TAC3: variants seen among roughly 807,000 people sequenced by gnomAD.
TAC3 encodes the protein tachykinin precursor 3.
A neutral mutation model predicts 16.5 loss-of-function variants in TAC3; 9 were observed. That is an observed-to-expected ratio of 0.55 (90% CI 0.33 to 0.95). The LOEUF (loss-of-function observed/expected upper bound fraction) is 0.95. Among genes scored for constraint, TAC3 ranks in the 40% least tolerant of loss-of-function variants. The pLI is 0.03. For synonymous variants in TAC3, 52 were observed against 56.7 expected, an observed-to-expected ratio of 0.92 and a Z score of 0.37; for missense variants, 129 against 149.1, an observed-to-expected ratio of 0.87 and a Z score of 0.70.
intron 6 of TAC3, among the ~76,000 whole-genome samples, chr12:57,011,641 C>T (rs1318300701): frequency 6.6e-6 from 1 of 152,208 alleles, no homozygotes; most frequent in East Asian, 1.9e-4. Flanking sequence ...CAGCACTGTG[C>T]ACCCGGCACT....
intron 2 of TAC3, 54 bp downstream of exon 2, chr12:57,015,630 G>C (rs1956360881): frequency 6.5e-7 from 1 of 1,526,984 alleles, no homozygotes; most frequent in Non-Finnish European, 9.0e-7. Flanking sequence ...TGTCCAGACA[G>C]GCAGAGTCCC....
intron 1 of TAC3, among the ~76,000 whole-genome samples, chr12:57,016,057 A>G (rs1000653494): frequency 6.6e-6 from 1 of 152,208 alleles, no homozygotes; most frequent in Non-Finnish European, 1.5e-5. Flanking sequence ...TAGTGGTGCC[A>G]GGAGGACTCT....
rs1193544273 is a variant in TAC3, at chr12:57,012,550, A to C, written c.293-98T>G. On this transcript the variant is annotated intron_variant, in intron 5 of 6. Coordinates refer to ENST00000458521, the MANE Select transcript of TAC3 (RefSeq NM_013251.4). ...GGGCTGGCTATGACGGGCAGTGTTC[A>C]AAGACAGAGTTGGGAGACTGGGGTG... 3 of 1,604,848 alleles carry C rather than the reference A, an allele frequency of 1.9e-6. No homozygotes were observed. In the East Asian group the frequency reaches 6.7e-5, roughly 36 times the overall value.
At position 57,012,142 on chromosome 12, in the gene TAC3, A is replaced by G. The variant is rs938010754; in HGVS notation, c.*1+236T>C. 26 of 554,166 alleles carry G rather than the reference A, an allele frequency of 4.7e-5. No homozygotes were observed. In the African/African-American group the frequency reaches 4.7e-4, roughly 10 times the overall value. The allele number at this position is 554,166 out of a possible 1,614,324, so 34.3% of individuals were successfully genotyped here. ...CATCTCCCAACACTCACTCCTGCTC[A>G]ATAGTCAGCTGCCGTCCATGATCCA... On this transcript the variant is annotated intron_variant, in intron 6 of 6. Coordinates refer to ENST00000458521, the MANE Select transcript of TAC3 (RefSeq NM_013251.4).
At chr12:57,015,875 G>T (rs1270814277) in intron 1 of TAC3, 73 bp from the exon 2 acceptor site, 1 of 1,312,124 alleles carries the variant, frequency 7.6e-7, no homozygotes, top group Non-Finnish European at 1.1e-6. Flanking sequence ...AGACACAAGA[G>T]ACATTCATTA....
At chr12:57,015,862 T>A in intron 1 of TAC3, 60 bp from the exon 2 acceptor site, 1 of 1,429,598 alleles carries the variant, frequency 7.0e-7, no homozygotes, top group Non-Finnish European at 9.8e-7. Flanking sequence ...ACAGCATGGG[T>A]GAAGACACAA....
chr12:57,015,267 A>G (rs1291405607), intron 2 of TAC3, among the ~76,000 whole-genome samples: 1 of 152,186 alleles, frequency 6.6e-6, no homozygotes, highest in Admixed American at 6.5e-5. Flanking sequence ...GTAAAATAGC[A>G]CACAAATAAC....
At chr12:57,012,320 G>T in intron 6 of TAC3, 58 bp downstream of exon 6, 1 of 1,481,990 alleles carries the variant, frequency 6.7e-7, no homozygotes, top group Non-Finnish European at 9.3e-7. Context: ...TGCACAGCTG[G>T]CAACCCCCAC....
chr12:57,012,764 T>G, intron 5 of TAC3, 58 bp downstream of exon 5: 1 of 1,614,010 alleles, frequency 6.2e-7, no homozygotes, highest in Non-Finnish European at 8.5e-7. Context: ...GGCACGTGAC[T>G]TCTGTCATAC....
intron 1 of TAC3, among the ~76,000 whole-genome samples, 191 bp downstream of exon 1, chr12:57,016,196 T>A (rs560916104): frequency 1.3e-5 from 2 of 152,208 alleles, no homozygotes; most frequent in Middle Eastern, 3.4e-3. Context: ...AACTTTCTGG[T>A]ATGAAAGAAT....
chr12:57,013,309 A>G (rs747565701), intron 4 of TAC3, 50 bp downstream of exon 4: 1 of 1,606,200 alleles, frequency 6.2e-7, no homozygotes, highest in East Asian at 2.2e-5. Context: ...AATGCCCCAC[A>G]GAGCTCTGGG....
chr12:57,013,750 C>T (rs1956336445), intron 2 of TAC3, 79 bp from the exon 3 acceptor site: 8 of 1,169,360 alleles, frequency 6.8e-6, no homozygotes, highest in Non-Finnish European at 8.8e-6. Context: ...GAAACAGCCT[C>T]TTCCTGAGCC....
chr12:57,013,222 A>C (rs1956325907), intron 4 of TAC3, 137 bp downstream of exon 4: 1 of 1,141,198 alleles, frequency 8.8e-7, no homozygotes, highest in African/African-American at 1.5e-5. Flanking sequence ...CTTTCAGGAA[A>C]GGTTGGCTGA....
Position 57,013,596 on chromosome 12 carries a change from G to C in TAC3, c.190C>G (p.Leu64Val). The change falls in exon 3 of 7, where the codon CTG becomes GTG. Residue 64 changes from leucine (L) to valine (V), a missense_variant. Transcript: ENST00000458521. ...CTCCTACCTGTGCTAGCCTGGCTCA[G>C]GGCTTTGAGCAATCCCTCCAGAGAT... ...HSSLEGLLKA[L>V]SQASTDPKES... The C allele has an allele frequency of 6.2e-7, 1 of 1,613,546 alleles. No homozygotes were observed. The highest frequency in any genetic ancestry group is 8.5e-7 in the Non-Finnish European group (1 of 1,179,924).
chr12:57,013,301 T>A, intron 4 of TAC3, 58 bp downstream of exon 4: 1 of 1,596,076 alleles, frequency 6.3e-7, no homozygotes, highest in Middle Eastern at 1.7e-4. Flanking sequence ...CTGGGCCCAA[T>A]GCCCCACAGA....
rs17119330 is a variant in TAC3 at position 57,015,455 on chromosome 12, G to A, written c.114+229C>T. 0.091 allele frequency among the ~76,000 whole-genome samples: 13,779 copies of A among 152,112 alleles called. 664 individuals are homozygous for A. Among genetic ancestry groups the A allele is most frequent in the East Asian group, 0.18 (937 of 5,162 alleles). On this transcript the variant is annotated intron_variant, in intron 2 of 6. Coordinates refer to ENST00000458521, the MANE Select transcript of TAC3 (RefSeq NM_013251.4). Reference sequence around the variant, plus strand: ...CAACCCACCAAACAACATATTTGTAGGGCACCTTTTATGTACAAGGTGTCA... The same window carrying A: ...CAACCCACCAAACAACATATTTGTAAGGCACCTTTTATGTACAAGGTGTCA...
At chr12:57,010,414 G>T (rs11609825) in intron 6 of TAC3, 126 bp from the exon 7 acceptor site, 2 of 346,916 alleles carry the variant, frequency 5.8e-6, no homozygotes, top group Non-Finnish European at 1.1e-5. Flanking sequence ...TGTGAGAGAG[G>T]AAAGAACAAG....
intron 6 of TAC3, chr12:57,010,987 G>A (rs1956290203): frequency 6.6e-6 from 1 of 152,456 alleles, no homozygotes; most frequent in Admixed American, 6.5e-5. Flanking sequence ...TAGCAAAATT[G>A]CACTGTAATT....
At chr12:57,013,795 T>G (rs1377332856) in intron 2 of TAC3, 124 bp from the exon 3 acceptor site, 1 of 831,878 alleles carries the variant, frequency 1.2e-6, no homozygotes, top group South Asian at 1.5e-5. Flanking sequence ...CTTTCAGAGT[T>G]TCCTCTGGTT....
Sources: gnomAD v4.1 joint callset for allele counts (sites outside exome capture counted in the v4.1 genomes callset) on GRCh38, gnomAD v4.1.1 for gene constraint, MANE v1.5 for transcripts, NCBI Gene and HGNC (gene_info 2026-07-23, HGNC 2026-07-21) for gene names.